FAHD1: variants seen among roughly 807,000 people sequenced by gnomAD.
The protein encoded by FAHD1 is oxaloacetate tautomerase FAHD1, mitochondrial.
Under a neutral mutation model 12.7 loss-of-function variants are expected in FAHD1, and 14 were observed. That is an observed-to-expected ratio of 1.10 (90% CI 0.73 to 1.72). The LOEUF (loss-of-function observed/expected upper bound fraction) is 1.72, where lower values mean the gene tolerates loss of function less well. Among genes scored for constraint, FAHD1 ranks in the 40% most tolerant of loss-of-function variants. The pLI, the probability that FAHD1 is intolerant of heterozygous loss-of-function variation, is 0.00. For missense variants in FAHD1, 351 were observed against 298.9 expected (o/e 1.17, Z -1.29); for synonymous variants, 153 against 124.9 (o/e 1.22, Z -1.50).
exon 1 of FAHD1, chr16:1,828,763 A>G (rs1424117075): frequency 1.0e-6 from 1 of 990,366 alleles, no homozygotes; most frequent in East Asian, 1.1e-4. Flanking sequence ...CCTGTACATA[A>G]TCGGTTAATT....
chr16:1,833,303 C>G (rs550473132), downstream of FAHD1, among the ~76,000 whole-genome samples: 1 of 152,230 alleles, frequency 6.6e-6, no homozygotes, highest in East Asian at 1.9e-4. Flanking sequence ...TGAAGTTGGT[C>G]TCCTCCCAGT....
chr16:1,829,489 G>C (rs973261345), downstream of FAHD1, among the ~76,000 whole-genome samples: 3 of 152,114 alleles, frequency 2.0e-5, no homozygotes, highest in Admixed American at 1.3e-4. Flanking sequence ...CCCAAGACCA[G>C]AACGTGAAGT....
chr16:1,828,194 T>A, exon 1 of FAHD1: 1 of 839,432 alleles, frequency 1.2e-6, no homozygotes, highest in Middle Eastern at 5.3e-4. Flanking sequence ...GGCAGGAGAA[T>A]CAATTGAACC....
exon 1 of FAHD1, chr16:1,827,225 A>G (rs751873738): frequency 2.5e-6 from 4 of 1,596,170 alleles, no homozygotes; most frequent in Non-Finnish European, 3.4e-6. Context: ...CTACAGGGGC[A>G]CTTGATGGGA....
At position 1,828,514 on chromosome 16, in the gene FAHD1, G is replaced by A. The variant is rs1898557808; in HGVS notation, c.*610G>A. The A allele has an allele frequency of 1.9e-5, 19 of 1,000,120 alleles. No individual in the cohort carries two copies. The South Asian group carries it at 8.5e-4, about 45-fold the overall frequency. The allele number at this position is 1,000,120 out of a possible 1,614,324, so 62.0% of individuals were successfully genotyped here. A position where few individuals can be genotyped will look rare whatever the true frequency, so the allele number is the denominator to read the frequency against. On this transcript the variant is annotated 3_prime_UTR_variant, in exon 1 of 1. Coordinates refer to ENST00000427358, the Ensembl canonical transcript of FAHD1. ...CAGTGGGTTATCTCTAGGATGATCAGTAGTTCAGCACTTAAAAACTGCAGA... is the reference window on the plus strand; with the variant it reads ...CAGTGGGTTATCTCTAGGATGATCAATAGTTCAGCACTTAAAAACTGCAGA...
chr16:1,837,617 A>T (rs1362686187), intron 1 of FAHD1: 1 of 473,852 alleles, frequency 2.1e-6, no homozygotes, highest in Non-Finnish European at 3.8e-6. Flanking sequence ...AATATGAAAA[A>T]ACCCCTGGCT....
Position 1,837,993 on chromosome 16 carries a change from C to G in FAHD1, c.628-23C>G, listed in dbSNP as rs73490142. 16,817 of 1,442,928 alleles carry G rather than the reference C, an allele frequency of 0.012. 979 individuals are homozygous for G. In the African/African-American group the frequency reaches 0.14, roughly 12 times the overall value. 89.4% of individuals were successfully genotyped at this position (1,442,928 alleles called of 1,614,324 possible). A position where few individuals can be genotyped will look rare whatever the true frequency, so the allele number is the denominator to read the frequency against. On this transcript the variant is annotated intron_variant, in intron 1 of 2. Transcript: ENST00000382666. ...AATTTTATTTGCAGTAATTACAGCT[C>G]AATCGTTTGTTTTTGTTTGTAGAGA... is the stretch of plus-strand genomic sequence containing the variant.
intron 2 of FAHD1, chr16:1,838,208 C>A: frequency 2.3e-6 from 1 of 441,372 alleles, no homozygotes; most frequent in Non-Finnish European, 4.0e-6. Context: ...CTATGTTGCC[C>A]AGGGTGATCT....
chr16:1,827,294 G>C (rs772730936), exon 1 of FAHD1: 1 of 1,613,222 alleles, frequency 6.2e-7, no homozygotes, highest in East Asian at 2.2e-5. Flanking sequence ...AACATCGTCT[G>C]CGTGGGGAGG....
Sources: gnomAD v4.1 joint callset for allele counts (sites outside exome capture counted in the v4.1 genomes callset) on GRCh38, gnomAD v4.1.1 for gene constraint, MANE v1.5 for transcripts, NCBI Gene and HGNC (gene_info 2026-07-23, HGNC 2026-07-21) for gene names.